The following ZNF536 variants were observed in gnomAD, a reference collection of about 807,000 sequenced individuals.
ZNF536 encodes the protein zinc finger protein 536.
Under a neutral mutation model 84.5 loss-of-function variants are expected in ZNF536, and 13 were observed. The observed-to-expected ratio is 0.15, with a 90% CI of 0.10 to 0.24. The LOEUF (loss-of-function observed/expected upper bound fraction) is 0.24. Among genes scored for constraint, ZNF536 ranks in the 10% least tolerant of loss-of-function variants. The pLI, the probability that ZNF536 is intolerant of heterozygous loss-of-function variation, is 1.00. For missense variants in ZNF536, 1,536 were observed against 1,747.5 expected (o/e 0.88, Z 2.16); for synonymous variants, 811 against 742.5 (o/e 1.09, Z -1.50).
At chr19:30,422,158 T>G (rs2050989009) in intron 1 of ZNF536, among the ~76,000 whole-genome samples, 1 of 152,050 alleles carries the variant, frequency 6.6e-6, no homozygotes, top group African/African-American at 2.4e-5. Flanking sequence ...TTTAGACTAT[T>G]TTTATTTTAT....
chr19:30,484,030 TC>T (rs2054194254), intron 2 of ZNF536, among the ~76,000 whole-genome samples: 2 of 151,956 alleles, frequency 1.3e-5, no homozygotes, highest in African/African-American at 2.4e-5. Context: ...TTGGAAGTCA[TC>T]CCCCTGACCC....
chr19:30,449,510 A>C (rs1004914855), intron 2 of ZNF536, among the ~76,000 whole-genome samples: 3 of 152,184 alleles, frequency 2.0e-5, no homozygotes, highest in African/African-American at 7.2e-5. Context: ...TTAAAACTTA[A>C]TGTACTAAGA....
chr19:30,378,911 G>A (rs2048914701), intron 1 of ZNF536, among the ~76,000 whole-genome samples: 1 of 152,190 alleles, frequency 6.6e-6, no homozygotes, highest in South Asian at 2.1e-4. Flanking sequence ...AGGGACAAAG[G>A]TGTGGGCCTG....
At chr19:30,322,871 TC>T (rs2046903188) in intron 2 of ZNF536, among the ~76,000 whole-genome samples, 1 of 152,102 alleles carries the variant, frequency 6.6e-6, no homozygotes, top group African/African-American at 2.4e-5. Context: ...TCATGTGACT[TC>T]CTGGATTCCT....
chr19:30,280,159 C>G (rs1424522446), intron 1 of ZNF536, among the ~76,000 whole-genome samples: 1 of 152,102 alleles, frequency 6.6e-6, no homozygotes, highest in Non-Finnish European at 1.5e-5. Context: ...ATCCGCCTCA[C>G]CTCCATCCTT....
intron 2 of ZNF536, among the ~76,000 whole-genome samples, chr19:30,469,770 G>A (rs1955195178): frequency 6.6e-6 from 1 of 152,050 alleles, no homozygotes. Flanking sequence ...GGTGTGATAG[G>A]AGAGGGCACC....
intron 1 of ZNF536, among the ~76,000 whole-genome samples, chr19:30,652,177 T>C (rs2049733225): frequency 6.6e-6 from 1 of 152,250 alleles, no homozygotes; most frequent in Non-Finnish European, 1.5e-5. Context: ...ATATGAAATA[T>C]TTCTCAGAAC....
At chr19:30,424,533 G>A (rs1315145581) in intron 1 of ZNF536, among the ~76,000 whole-genome samples, 1 of 152,174 alleles carries the variant, frequency 6.6e-6, no homozygotes, top group Admixed American at 6.5e-5. Context: ...GGGTTCTGGG[G>A]AGGCTGAGAG....
intron 2 of ZNF536, among the ~76,000 whole-genome samples, chr19:30,522,382 C>T (rs2044397509): frequency 6.7e-6 from 1 of 149,754 alleles, no homozygotes; most frequent in Non-Finnish European, 1.5e-5. Context: ...ATTTTTTAAG[C>T]TGATCCAAGG....
chr19:30,443,358 C>T (rs1042762559), intron 1 of ZNF536, among the ~76,000 whole-genome samples: 1 of 152,200 alleles, frequency 6.6e-6, no homozygotes, highest in Non-Finnish European at 1.5e-5. Flanking sequence ...CGATCTGTCG[C>T]CAAAACAAAT....
rs1326307838 is a variant in ZNF536, at chr19:30,445,011, G to T, written c.1449G>T (p.Gly483=). The T allele has an allele frequency of 6.2e-7, 1 of 1,611,838 alleles. No individual in the cohort carries two copies. Residue 483 remains glycine, a synonymous_variant, in exon 2 of 5, where the codon GGG becomes GGT. Transcript: ENST00000355537. This position sits in a 1 kb window ranked among gnomAD's most constrained non-coding sequence, Gnocchi z 4.5. ...ISSMAHGVPE[G]DKHSLLGCLN... is the part of the protein sequence containing the mutation. ...GCATGGCCCACGGCGTCCCGGAGGG[G>T]GACAAGCACTCCCTCCTGGGATGCC... is the stretch of plus-strand genomic sequence containing the variant.
chr19:30,548,863 G>C lies in ZNF536; in HGVS notation c.3244G>C (p.Gly1082Arg), dbSNP rs1229293039. Residue 1082 changes from glycine (G) to arginine (R), a missense_variant, in exon 4 of 5, where the codon GGT becomes CGT. Physicochemically the swap from Gly to Arg is moderately radical, Grantham distance 125. Around this residue, in one of 8 missense-constraint regions of ZNF536, gnomAD observed 624 missense variants for 603.1 expected, o/e 1.03. Coordinates refer to ENST00000355537, the MANE Select transcript of ZNF536 (RefSeq NM_014717.3). The part of the protein sequence containing the change: ...LDSASEKMAQ[G>R]QLKETLGEQK... ...CTCTGCTTCTGAGAAGATGGCCCAA[G>C]GTCAGCTCAAGGAGACTCTGGGAGA... is the stretch of plus-strand genomic sequence containing the variant. 6.2e-7 allele frequency: 1 copy of C among 1,614,162 alleles called. No individual in the cohort carries two copies. The highest frequency in any genetic ancestry group is 1.1e-5 in the South Asian group (1 of 91,076).
rs1399730087 is a variant in ZNF536 at position 30,331,322 on chromosome 19, G to C, written c.-119-21046G>C. On this transcript the variant is annotated intron_variant, in intron 2 of 5. Transcript: ENST00000585628. ...AAAAAAAAAAAAAAAAAAAAAAAAA[G>C]AATATTATTTGTCTTTATGACAGAT... 2.3e-4 allele frequency among the ~76,000 whole-genome samples: 13 copies of C among 57,406 alleles called. No homozygotes were observed. In the East Asian group the frequency reaches 5.5e-3, roughly 24 times the overall value. 37.7% of individuals were successfully genotyped at this position (57,406 alleles called of 152,430 possible).
At chr19:30,678,656 G>A (rs2050844930) in intron 1 of ZNF536, among the ~76,000 whole-genome samples, 1 of 152,162 alleles carries the variant, frequency 6.6e-6, no homozygotes, top group African/African-American at 2.4e-5. Flanking sequence ...GAGCCAAGCA[G>A]GGAGCCTTGG....
chr19:30,415,271 TGCTCCTCCTCCTC>T, intron 1 of ZNF536, among the ~76,000 whole-genome samples: 1 of 98,294 alleles, frequency 1.0e-5, no homozygotes, highest in Non-Finnish European at 2.2e-5. Context: ...CTCCTCCTCC[TGCTCCTCCTCCTC>T]CTTCTTCTTC....
chr19:30,421,954 AG>A, intron 1 of ZNF536, among the ~76,000 whole-genome samples: 1 of 152,240 alleles, frequency 6.6e-6, no homozygotes. Flanking sequence ...ATTTCCATTT[AG>A]GGTAATGATA....
At chr19:30,613,000 G>A (rs2048154254) in intron 1 of ZNF536, among the ~76,000 whole-genome samples, 1 of 152,202 alleles carries the variant, frequency 6.6e-6, no homozygotes. Flanking sequence ...AAGAGTAACA[G>A]TCAGTTACTT....
At chr19:30,537,053 G>A (rs185446241) in intron 3 of ZNF536, among the ~76,000 whole-genome samples, 170 of 152,182 alleles carry the variant, frequency 1.1e-3, no homozygotes, top group African/African-American at 3.9e-3. Flanking sequence ...TTTGTATTTC[G>A]TTGTTGTTTC....
At chr19:30,658,291 G>A (rs566704801) in intron 1 of ZNF536, among the ~76,000 whole-genome samples, 97 of 152,142 alleles carry the variant, frequency 6.4e-4, no homozygotes, top group African/African-American at 2.3e-3. Flanking sequence ...CAAAGTGCTG[G>A]GATTACAGGT....
Sources: gnomAD v4.1 joint callset for allele counts (sites outside exome capture counted in the v4.1 genomes callset) on GRCh38, gnomAD v4.1.1 for gene constraint, gnomAD v4.1.1 regional missense constraint, Gnocchi (gnomAD v3.1) non-coding constraint, MANE v1.5 for transcripts, NCBI Gene and HGNC (gene_info 2026-07-23, HGNC 2026-07-21) for gene names.